EZR: variants seen among roughly 807,000 people sequenced by gnomAD.
The protein encoded by EZR is cytovillin 2.
In EZR, 40 loss-of-function variants were observed where a neutral mutation model predicts 74.8. The ratio of observed to expected loss-of-function variants is 0.53; its 90% CI spans 0.42 to 0.70. The LOEUF (loss-of-function observed/expected upper bound fraction) is 0.70, where lower values mean the gene tolerates loss of function less well. EZR is among the 30% of genes least tolerant of loss of function. The pLI is 0.00. For synonymous variants in EZR, 341 were observed against 283.3 expected (o/e 1.20, Z -2.05); for missense variants, 678 against 755.8 (o/e 0.90, Z 1.21).
chr6:158,808,457 C>G (rs1455986900), intron 2 of EZR, among the ~76,000 whole-genome samples: 1 of 152,170 alleles, frequency 6.6e-6, no homozygotes, highest in African/African-American at 2.4e-5. Context: ...AAAGGACAAA[C>G]AACAAGGTTA....
At chr6:158,780,189 A>G (rs1202943306) in intron 7 of EZR, among the ~76,000 whole-genome samples, 1 of 151,536 alleles carries the variant, frequency 6.6e-6, no homozygotes, top group African/African-American at 2.4e-5. Flanking sequence ...TATCAAAAAA[A>G]AAAAAAAAAC....
chr6:158,816,095 T>C (rs1777547324), intron 2 of EZR, among the ~76,000 whole-genome samples: 1 of 152,228 alleles, frequency 6.6e-6, no homozygotes, highest in Non-Finnish European at 1.5e-5. Context: ...GCTATCACGA[T>C]TCCACCTGCA....
At chr6:158,791,706 A>ATTTTT (rs57581855) in intron 2 of EZR, among the ~76,000 whole-genome samples, 4,605 of 95,978 alleles carry the variant, frequency 0.048, 416 homozygotes, top group Middle Eastern at 0.071. Context: ...TTCAGACTCC[A>ATTTTT]TTTTTTTTTT....
At chr6:158,818,390 C>T (rs1382970854) in intron 1 of EZR, among the ~76,000 whole-genome samples, 1 of 150,578 alleles carries the variant, frequency 6.6e-6, no homozygotes, top group Non-Finnish European at 1.5e-5. Context: ...GGGGCGCGCG[C>T]CCAAGGGGCA....
In EZR at chr6:158,776,194, T is replaced by C. The variant is rs116783760; in HGVS notation, c.795+214A>G. Among the ~76,000 whole-genome samples the C allele has an allele frequency of 3.5e-3, 535 of 152,368 alleles. 1 individual carries two copies. The highest frequency in any genetic ancestry group is 0.012 in the African/African-American group (480 of 41,582). Reference sequence around the variant, plus strand: ...TATCATTTGGCCAATGGCTCAGAACTGCCCTTTTCTTCATAAGGAATGAGA... The same window carrying C: ...TATCATTTGGCCAATGGCTCAGAACCGCCCTTTTCTTCATAAGGAATGAGA... On this transcript the variant is annotated intron_variant, in intron 8 of 13. Coordinates refer to ENST00000367075, the MANE Select transcript of EZR (RefSeq NM_001111077.2).
intron 1 of EZR, among the ~76,000 whole-genome samples, chr6:158,818,514 A>G (rs1178218275): frequency 3.1e-5 from 3 of 97,692 alleles, no homozygotes; most frequent in East Asian, 5.8e-4. Context: ...CCCGGGAGAG[A>G]GAGGGCAGGG....
At chr6:158,793,910 G>C (rs1454835187) in intron 2 of EZR, among the ~76,000 whole-genome samples, 1 of 152,188 alleles carries the variant, frequency 6.6e-6, no homozygotes, top group East Asian at 1.9e-4. Context: ...AATTTAAAAT[G>C]AGACATTCAC....
chr6:158,817,472 T>C (rs1777582984), intron 2 of EZR, among the ~76,000 whole-genome samples: 1 of 152,234 alleles, frequency 6.6e-6, no homozygotes, highest in East Asian at 1.9e-4. Context: ...CTCCACCGGC[T>C]GCCTGCATCT....
At chr6:158,776,788 A>G (rs1217133604) in intron 7 of EZR, among the ~76,000 whole-genome samples, 1 of 152,130 alleles carries the variant, frequency 6.6e-6, no homozygotes, top group East Asian at 1.9e-4. Flanking sequence ...CTCGAGGTCA[A>G]CTGAAATTCC....
chr6:158,786,888 T>C (rs1193782533), intron 4 of EZR, among the ~76,000 whole-genome samples: 1 of 152,234 alleles, frequency 6.6e-6, no homozygotes, highest in Non-Finnish European at 1.5e-5. Context: ...CAATTAACCA[T>C]CATATGCTCC....
chr6:158,812,929 C>T (rs1378624797), intron 2 of EZR, among the ~76,000 whole-genome samples: 1 of 152,160 alleles, frequency 6.6e-6, no homozygotes, highest in Non-Finnish European at 1.5e-5. Flanking sequence ...CTGTTCCCAC[C>T]ACCACCACCT....
chr6:158,812,216 A>G (rs1053524581), intron 2 of EZR, among the ~76,000 whole-genome samples: 10 of 152,180 alleles, frequency 6.6e-5, no homozygotes, highest in African/African-American at 1.7e-4. Context: ...CCAAATACCA[A>G]TAACAGCACT....
At chr6:158,808,172 C>T (rs1431077280) in intron 2 of EZR, among the ~76,000 whole-genome samples, 5 of 152,134 alleles carry the variant, frequency 3.3e-5, no homozygotes, top group African/African-American at 1.2e-4. Flanking sequence ...ATCCTAGTGG[C>T]CAACCCTGAA....
In EZR at chr6:158,810,434, A is replaced by G. The variant is rs1049470917; in HGVS notation, c.12+7648T>C. Among the ~76,000 whole-genome samples, 7 of 152,154 alleles carry G rather than the reference A, an allele frequency of 4.6e-5. No homozygotes were observed. In the East Asian group the frequency reaches 1.2e-3, roughly 25 times the overall value. On this transcript the variant is annotated intron_variant, in intron 2 of 13. Coordinates refer to ENST00000367075, the MANE Select transcript of EZR (RefSeq NM_001111077.2). ...TGTGAAGACCTCTATCATGCACTAC[A>G]CTGCATTGTAATTGCTTACATATCT... is the stretch of plus-strand genomic sequence containing the variant.
At chr6:158,770,665 C>T in intron 10 of EZR, 99 bp downstream of exon 10, 1 of 1,418,232 alleles carries the variant, frequency 7.1e-7, no homozygotes, top group Non-Finnish European at 9.8e-7. Flanking sequence ...GGGACACGTT[C>T]TTGGTTTCCT....
chr6:158,771,772 G>A lies in EZR; in HGVS notation c.796-365C>T, dbSNP rs1791119458. Among the ~76,000 whole-genome samples the A allele has an allele frequency of 2.0e-5, 3 of 152,258 alleles. No homozygotes were observed. In the South Asian group the frequency reaches 6.2e-4, roughly 32 times the overall value. ...TCCAAGGTGAGAACTCTCAGCCTTG[G>A]GAAACCTTTCAAGTCTCAGAGCTGC... On this transcript the variant is annotated intron_variant, in intron 8 of 13. Transcript: ENST00000367075.
At chr6:158,788,544 A>G (rs1388209738) in intron 3 of EZR, 1 of 151,678 alleles carries the variant, frequency 6.6e-6, no homozygotes, top group Non-Finnish European at 1.5e-5. Context: ...CTATTCGGGG[A>G]GCTGATGCAG....
At chr6:158,783,368 C>A in intron 7 of EZR, 152 bp downstream of exon 7, 1 of 263,710 alleles carries the variant, frequency 3.8e-6, no homozygotes, top group South Asian at 4.8e-5. Flanking sequence ...GAGAGGGCCA[C>A]AGCAGTCCAA....
At chr6:158,784,984 G>T (rs190736599) in intron 5 of EZR, among the ~76,000 whole-genome samples, 185 of 152,258 alleles carry the variant, frequency 1.2e-3, no homozygotes, top group African/African-American at 4.3e-3. Context: ...TCCAAATGGG[G>T]TAATTTTTGT....
Sources: gnomAD v4.1 joint callset for allele counts (sites outside exome capture counted in the v4.1 genomes callset) on GRCh38, gnomAD v4.1.1 for gene constraint, MANE v1.5 for transcripts, NCBI Gene and HGNC (gene_info 2026-07-23, HGNC 2026-07-21) for gene names.